EML6: variants seen among roughly 807,000 people sequenced by gnomAD.
The protein encoded by EML6 is echinoderm microtubule-associated protein-like 6.
In EML6, 154 loss-of-function variants were observed where a neutral mutation model predicts 240.1. The ratio of observed to expected loss-of-function variants is 0.64; its 90% CI spans 0.56 to 0.73. The LOEUF is 0.73. Ranked by LOEUF, EML6 falls within the 30% of genes least tolerant of loss-of-function variation. The pLI is 0.00. For missense variants in EML6, 2,964 were observed against 2,474.6 expected, an observed-to-expected ratio of 1.20 and a Z score of -4.20; for synonymous variants, 1,148 against 899.0, an observed-to-expected ratio of 1.28 and a Z score of -4.95.
chr2:54,882,661 A>T (rs1671881474), intron 17 of EML6: 1 of 152,012 alleles, frequency 6.6e-6, no homozygotes, highest in African/African-American at 2.4e-5. Flanking sequence ...GATGGAGACC[A>T]TCCTGGCTAA....
chr2:54,863,867 C>G lies in EML6; in HGVS notation c.1910C>G (p.Ala637Gly). 6 of 1,544,038 alleles carry G rather than the reference C, an allele frequency of 3.9e-6. No individual in the cohort carries two copies. Among genetic ancestry groups the G allele is most frequent in the East Asian group, 2.5e-5 (1 of 40,626 alleles). The stretch of plus-strand genomic sequence containing the variant: ...CTGGACTCTGATATTGAGCAAGAAG[C>G]TCAAATCAATTATGATCGCCAGGTC... ...PELDSDIEQEAQINYDRQVYK... is the reference protein window; with the variant it reads ...PELDSDIEQEGQINYDRQVYK... The change falls in exon 13 of 42, where the codon GCT (alanine) becomes GGT (glycine). Residue 637 changes from alanine to glycine, a missense_variant. Physicochemically the swap from Ala to Gly is moderately conservative, Grantham distance 60. Transcript: ENST00000356458.
chr2:54,742,576 A>C (rs1683700068), intron 2 of EML6, among the ~76,000 whole-genome samples: 1 of 152,138 alleles, frequency 6.6e-6, no homozygotes, highest in African/African-American at 2.4e-5. Context: ...TCTCCACCCC[A>C]GTTATGCAGG....
rs773498648 is a variant in EML6, at chr2:54,797,164, C to CAAAAAAAAA, written c.198-16051_198-16043dup. 1.5e-3 allele frequency among the ~76,000 whole-genome samples: 64 copies of CAAAAAAAAA among 43,820 alleles called. 5 individuals are homozygous for CAAAAAAAAA. Among genetic ancestry groups the CAAAAAAAAA allele is most frequent in the African/African-American group, 4.5e-3 (46 of 10,292 alleles). 28.7% of individuals were successfully genotyped at this position (43,820 alleles called of 152,430 possible). ...TGGGTGACAGAGCAAGACTCCATCT[C>CAAAAAAAAA]AAAAAAAAAAAAAAAAAAAAAAAAA... On this transcript the variant is annotated intron_variant, in intron 2 of 41. Transcript: ENST00000356458.
intron 38 of EML6, 119 bp from the exon 39 acceptor site, chr2:54,966,881 G>A (rs1310574674): frequency 1.6e-6 from 1 of 625,916 alleles, no homozygotes; most frequent in Non-Finnish European, 2.8e-6. Flanking sequence ...CTGAGCTTGG[G>A]TTTGGAGAAA....
chr2:54,824,215 G>C (rs1668477875), intron 5 of EML6, among the ~76,000 whole-genome samples: 1 of 152,124 alleles, frequency 6.6e-6, no homozygotes, highest in Non-Finnish European at 1.5e-5. Context: ...AATTCTAAAA[G>C]CAGAAAAGCA....
intron 2 of EML6, among the ~76,000 whole-genome samples, chr2:54,785,416 C>A (rs1669037578): frequency 6.6e-6 from 1 of 152,024 alleles, no homozygotes; most frequent in South Asian, 2.1e-4. Context: ...CTCAAGTGAT[C>A]CTCCCACCTC....
At chr2:54,950,588 G>A in intron 29 of EML6, 62 bp from the exon 30 acceptor site, 3 of 1,535,836 alleles carry the variant, frequency 2.0e-6, no homozygotes, top group Non-Finnish European at 1.8e-6. Flanking sequence ...CAATGTGGGT[G>A]TGTTCCTCGG....
At chr2:54,812,322 GAAAAA>G (rs11362235) in intron 2 of EML6, among the ~76,000 whole-genome samples, 2 of 145,144 alleles carry the variant, frequency 1.4e-5, no homozygotes. Flanking sequence ...GCCAAACACT[GAAAAA>G]AAAAAAAAGT....
intron 2 of EML6, among the ~76,000 whole-genome samples, chr2:54,793,137 C>T (rs1367516643): frequency 6.6e-6 from 1 of 152,068 alleles, no homozygotes; most frequent in Admixed American, 6.5e-5. Flanking sequence ...TGTAGTGGTG[C>T]ATGCCTGTAA....
chr2:54,902,966 G>C, intron 22 of EML6, 78 bp from the exon 23 acceptor site: 1 of 1,355,582 alleles, frequency 7.4e-7, no homozygotes, highest in Non-Finnish European at 1.0e-6. Flanking sequence ...CACATCATCA[G>C]ATTTCTTCAT....
intron 7 of EML6, among the ~76,000 whole-genome samples, chr2:54,842,106 G>C (rs73935676): frequency 0.02 from 3,019 of 152,146 alleles, 110 homozygotes; most frequent in African/African-American, 0.069. Flanking sequence ...GTTCATGTTA[G>C]AGTTCACTCT....
At chr2:54,899,367 G>T (rs1238146700) in intron 21 of EML6, among the ~76,000 whole-genome samples, 2 of 152,230 alleles carry the variant, frequency 1.3e-5, no homozygotes, top group African/African-American at 4.8e-5. Context: ...ATGGAAAGAT[G>T]TTTGGCATCA....
intron 35 of EML6, 67 bp downstream of exon 35, chr2:54,960,401 G>C (rs144184425): frequency 8.3e-7 from 1 of 1,198,394 alleles, no homozygotes; most frequent in Non-Finnish European, 1.2e-6. Flanking sequence ...CCTCCCAGCC[G>C]GCACTTTCTC....
intron 35 of EML6, among the ~76,000 whole-genome samples, chr2:54,961,873 G>A (rs774832507): frequency 4.0e-5 from 6 of 151,426 alleles, no homozygotes; most frequent in South Asian, 2.1e-4. Flanking sequence ...ATGTGGTGGC[G>A]GGCACCTGTA....
At chr2:54,937,819 T>C (rs1404956008) in intron 28 of EML6, among the ~76,000 whole-genome samples, 1 of 152,178 alleles carries the variant, frequency 6.6e-6, no homozygotes, top group Non-Finnish European at 1.5e-5. Flanking sequence ...AATCAAACTT[T>C]GTGCATTAAT....
chr2:54,747,142 A>C (rs987153393), intron 2 of EML6: 5 of 152,254 alleles, frequency 3.3e-5, no homozygotes, highest in African/African-American at 1.2e-4. Context: ...AAGGAGATAC[A>C]TAACATTTTG....
chr2:54,838,553 C>A (rs1434824023), intron 7 of EML6, among the ~76,000 whole-genome samples: 1 of 152,144 alleles, frequency 6.6e-6, no homozygotes, highest in Non-Finnish European at 1.5e-5. Context: ...GTAATGAGGT[C>A]TGATTTGATA....
chr2:54,902,945 C>T, intron 22 of EML6, 99 bp from the exon 23 acceptor site: 1 of 1,089,908 alleles, frequency 9.2e-7, no homozygotes, highest in Non-Finnish European at 1.3e-6. Flanking sequence ...GTCACGTGTC[C>T]ATACATAATG....
At position 54,950,650 on chromosome 2, in the gene EML6, G is replaced by A. The variant is rs1188468005; in HGVS notation, c.4084G>A (p.Glu1362Lys). The change falls in exon 30 of 42, where the codon GAG becomes AAG. Residue 1362 changes from glutamate (E) to lysine (K), a missense_variant and splice_region_variant. By Grantham distance (56) the Glu-to-Lys change is moderately conservative. Coordinates refer to ENST00000356458, the MANE Select transcript of EML6 (RefSeq NM_001039753.4). ...NITKKKKLVE[E>K]LALDHVFGYR... ...CATTGATCTGTGTGTGTGAATGCAG[G>A]AGCTGGCTCTAGACCACGTGTTTGG... The A allele has an allele frequency of 2.6e-6, 4 of 1,551,510 alleles. No individual in the cohort carries two copies. The highest frequency in any genetic ancestry group is 1.2e-5 in the South Asian group (1 of 84,058).
Sources: allele counts gnomAD v4.1 joint callset (sites outside exome capture counted in the v4.1 genomes callset), GRCh38; gene constraint gnomAD v4.1.1; transcripts MANE v1.5; gene names NCBI Gene and HGNC (gene_info 2026-07-23, HGNC 2026-07-21).